The following MTA1 variants were observed in gnomAD, a reference collection of about 807,000 sequenced individuals.
The protein encoded by MTA1 is metastasis associated 1, also known as metastasis-associated protein MTA1.
Under a neutral mutation model 97.0 loss-of-function variants are expected in MTA1, and 15 were observed. That is an observed-to-expected ratio of 0.15 (90% CI 0.10 to 0.24). The LOEUF (loss-of-function observed/expected upper bound fraction) is 0.24. MTA1 is among the 10% of genes least tolerant of loss of function. The probability of loss-of-function intolerance (pLI) is 1.00; values close to 1 mark genes in which losing one functional copy is unlikely to be tolerated. For synonymous variants in MTA1, 435 were observed against 417.5 expected (o/e 1.04, Z -0.51); for missense variants, 709 against 1,015.1 (o/e 0.70, Z 4.10).
chr14:105,451,935 C>T (rs781827280), intron 6 of MTA1, among the ~76,000 whole-genome samples: 3 of 151,954 alleles, frequency 2.0e-5, no homozygotes, highest in Non-Finnish European at 4.4e-5. Context: ...GGATTACAGA[C>T]GTGTGTCACC....
At chr14:105,427,252 G>A (rs1276337869) in intron 1 of MTA1, among the ~76,000 whole-genome samples, 2 of 152,248 alleles carry the variant, frequency 1.3e-5, no homozygotes, top group Non-Finnish European at 2.9e-5. Flanking sequence ...TGGTGCTTGG[G>A]TGCCTGCTGG....
chr14:105,464,250 C>A (rs1437180871), intron 13 of MTA1, 103 bp downstream of exon 13: 1 of 1,426,682 alleles, frequency 7.0e-7, no homozygotes, highest in Non-Finnish European at 9.6e-7. Context: ...TGCAAGGGGC[C>A]CACTGACGAT....
intron 2 of MTA1, among the ~76,000 whole-genome samples, chr14:105,440,890 C>G (rs1445173472): frequency 6.6e-6 from 1 of 152,246 alleles, no homozygotes; most frequent in Non-Finnish European, 1.5e-5. Flanking sequence ...CCCTCTGTTC[C>G]CTGGACTGAA....
chr14:105,449,550 C>T, intron 4 of MTA1, 141 bp downstream of exon 4: 1 of 915,056 alleles, frequency 1.1e-6, no homozygotes, highest in Non-Finnish European at 1.6e-6. Context: ...TGAGGAGGGG[C>T]CCTCCCTTGT....
At chr14:105,469,211 C>T in intron 18 of MTA1, 1 of 616,480 alleles carries the variant, frequency 1.6e-6, no homozygotes, top group Non-Finnish European at 3.0e-6. Context: ...ACTGTCGGGT[C>T]CAAGGCTCCT....
At chr14:105,425,843 G>GC (rs2081993936) in intron 1 of MTA1, among the ~76,000 whole-genome samples, 1 of 144,544 alleles carries the variant, frequency 6.9e-6, no homozygotes, top group Non-Finnish European at 1.5e-5. Flanking sequence ...CCACCAATGT[G>GC]CCCCCGGCAC....
chr14:105,438,673 C>G lies in MTA1; in HGVS notation c.30C>G (p.Asp10Glu). 1.9e-6 allele frequency: 3 copies of G among 1,613,592 alleles called. No homozygotes were observed. Among genetic ancestry groups the G allele is most frequent in the Non-Finnish European group, 2.5e-6 (3 of 1,179,892 alleles). MAANMYRVG[D>E]YVYFENSSSN... ...CACTCTCTCTGTTGCTGTTTGCAGACTACGTCTACTTTGAGAACTCCTCCA... is the reference window on the plus strand; with the variant it reads ...CACTCTCTCTGTTGCTGTTTGCAGAGTACGTCTACTTTGAGAACTCCTCCA... Residue 10 changes from aspartate (D) to glutamate (E), a missense_variant and splice_region_variant, in exon 2 of 21, where the codon GAC becomes GAG. Physicochemically the swap from Asp to Glu is conservative, Grantham distance 45. Around this residue, in one of 2 missense-constraint regions of MTA1, gnomAD observed 321 missense variants for 593.5 expected, o/e 0.54. Coordinates refer to ENST00000331320, the MANE Select transcript of MTA1 (RefSeq NM_004689.4).
In MTA1 at chr14:105,470,080, G is replaced by T. The variant is rs782439239; in HGVS notation, c.2013G>T (p.Leu671=). The T allele has an allele frequency of 5.6e-6, 9 of 1,612,496 alleles. No individual in the cohort carries two copies. The East Asian group carries it at 1.1e-4, about 20-fold the overall frequency. The change falls in exon 21 of 21, where the codon CTG becomes CTT. Residue 671 remains leucine (L), a synonymous_variant. Coordinates refer to ENST00000331320, the MANE Select transcript of MTA1 (RefSeq NM_004689.4). ...ATEETRKIRK[L]LSSSETKRAA... ...CTGCCCACAGGAAGATCCGCAAGCT[G>T]CTCTCATCCTCGGAAACCAAGCGTG...
chr14:105,420,100 G>GCCCGCAGCCCCCA lies in MTA1; in HGVS notation c.28+43_28+55dup. The GCCCGCAGCCCCCA allele has an allele frequency of 1.4e-6, 1 of 719,738 alleles. No individual in the cohort carries two copies. The highest frequency in any genetic ancestry group is 1.7e-6 in the Non-Finnish European group (1 of 589,098). 44.6% of individuals were successfully genotyped at this position (719,738 alleles called of 1,614,324 possible). A position where few individuals can be genotyped will look rare whatever the true frequency, so the allele number is the denominator to read the frequency against. ...CCGCCTTTATGCCCGGCCCCGACCC[G>GCCCGCAGCCCCCA]CCCGCAGCCCCCACCCGCCGCCGCT... On this transcript the variant is annotated intron_variant, in intron 1 of 20. Coordinates refer to ENST00000331320, the MANE Select transcript of MTA1 (RefSeq NM_004689.4). The surrounding 1 kb of genome is among the most constrained non-coding windows in gnomAD (Gnocchi z 5.3).
intron 6 of MTA1, among the ~76,000 whole-genome samples, chr14:105,452,278 C>T (rs912230570): frequency 1.2e-4 from 19 of 152,258 alleles, no homozygotes; most frequent in African/African-American, 4.3e-4. Context: ...AGGCTCATGT[C>T]ACAGATAAGC....
At chr14:105,428,641 T>C (rs1359366484) in intron 1 of MTA1, among the ~76,000 whole-genome samples, 1 of 152,186 alleles carries the variant, frequency 6.6e-6, no homozygotes, top group Non-Finnish European at 1.5e-5. Flanking sequence ...GTTTAGCCTG[T>C]TCTGGTTACT....
intron 1 of MTA1, among the ~76,000 whole-genome samples, chr14:105,435,640 G>T (rs1364086342): frequency 6.6e-6 from 1 of 152,000 alleles, no homozygotes; most frequent in Non-Finnish European, 1.5e-5. Context: ...GTGTAGAATT[G>T]GTGTTAATTT....
chr14:105,423,739 T>C (rs1393971017), intron 1 of MTA1, among the ~76,000 whole-genome samples: 2 of 152,270 alleles, frequency 1.3e-5, no homozygotes, highest in Non-Finnish European at 2.9e-5. Flanking sequence ...TCTGGCGCGC[T>C]GTTAGAAATG....
intron 8 of MTA1, 42 bp from the exon 9 acceptor site, chr14:105,460,316 C>T (rs1555430693): frequency 1.3e-6 from 2 of 1,554,216 alleles, no homozygotes; most frequent in Non-Finnish European, 1.7e-6. Flanking sequence ...TGGGGAGTCC[C>T]TGCTTGGCCG....
Position 105,454,290 on chromosome 14 carries a change from T to G in MTA1, c.530T>G (p.Ile177Ser). The change falls in exon 7 of 21, where the codon ATC becomes AGC. Residue 177 changes from isoleucine (I) to serine (S), a missense_variant. Coordinates refer to ENST00000331320, the MANE Select transcript of MTA1 (RefSeq NM_004689.4). ...IRVGNRYQADITDLLKEGEED... is the reference protein window; with the variant it reads ...IRVGNRYQADSTDLLKEGEED... ...GTAGGAAACCGGTACCAGGCAGACA[T>G]CACCGACTTGTTAAAAGAAGGTAGG... 6.2e-7 allele frequency: 1 copy of G among 1,613,320 alleles called. No homozygotes were observed. Among genetic ancestry groups the G allele is most frequent in the Non-Finnish European group, 8.5e-7 (1 of 1,179,474 alleles).
intron 1 of MTA1, among the ~76,000 whole-genome samples, chr14:105,434,512 G>A (rs1210823637): frequency 1.5e-5 from 1 of 65,130 alleles, no homozygotes; most frequent in Admixed American, 1.5e-4. Context: ...TTTTTTTTTT[G>A]AGACAGAGTT....
intron 2 of MTA1, among the ~76,000 whole-genome samples, chr14:105,441,674 A>G (rs587715915): frequency 0.023 from 3,478 of 152,226 alleles, 61 homozygotes; most frequent in Non-Finnish European, 0.024. Flanking sequence ...GGCGCCTGTG[A>G]TCCCAGCTAC....
intron 1 of MTA1, among the ~76,000 whole-genome samples, chr14:105,421,180 C>T (rs192097170): frequency 6.6e-6 from 1 of 152,148 alleles, no homozygotes; most frequent in Non-Finnish European, 1.5e-5. Flanking sequence ...CTGGGCCTCC[C>T]CTGTCCTCTC....
chr14:105,442,057 C>T lies in MTA1; in HGVS notation c.96+3318C>T, dbSNP rs80319398. Among the ~76,000 whole-genome samples, 674 of 152,322 alleles carry T rather than the reference C, an allele frequency of 4.4e-3. 9 individuals are homozygous for T. Among genetic ancestry groups the T allele is most frequent in the African/African-American group, 0.016 (654 of 41,576 alleles). The stretch of plus-strand genomic sequence containing the variant: ...GAAACTAGGAGAGAAAAAAATCAGA[C>T]ATCAGTCCATTGGTCCAACGTCCAG... On this transcript the variant is annotated intron_variant, in intron 2 of 20. Coordinates refer to ENST00000331320, the MANE Select transcript of MTA1 (RefSeq NM_004689.4).
Sources: allele counts gnomAD v4.1 joint callset (sites outside exome capture counted in the v4.1 genomes callset), GRCh38; gene constraint gnomAD v4.1.1; regional missense constraint gnomAD v4.1.1; non-coding constraint Gnocchi (gnomAD v3.1); transcripts MANE v1.5; gene names NCBI Gene and HGNC (gene_info 2026-07-23, HGNC 2026-07-21).